The following STYXL2 variants were observed in gnomAD, a reference collection of about 807,000 sequenced individuals.
STYXL2 encodes serine/threonine/tyrosine interacting like 2, also known as serine/threonine/tyrosine-interacting-like protein 2.
STYXL2 carries 44 observed loss-of-function variants against 52.4 expected under a neutral mutation model. The observed-to-expected ratio is 0.84, with a 90% CI of 0.66 to 1.08. STYXL2 has a LOEUF of 1.08. STYXL2 is among the 50% of genes least tolerant of loss of function. The probability of loss-of-function intolerance (pLI) is 0.00; values close to 1 mark genes in which losing one functional copy is unlikely to be tolerated. For synonymous variants in STYXL2, 604 were observed against 586.9 expected (o/e 1.03, Z -0.42); for missense variants, 1,604 against 1,471.7 (o/e 1.09, Z -1.47).
At position 167,105,590 on chromosome 1, in the gene STYXL2, G is replaced by T. The variant is rs190138658; in HGVS notation, c.111-8120G>T. On this transcript the variant is annotated intron_variant, in intron 2 of 5. Transcript: ENST00000361200. The stretch of plus-strand genomic sequence containing the variant: ...GACCTTGCAAATATAAACAGGGCCA[G>T]TTGTTCAGGTCTCTCCCTCCTTCCT... 3.9e-5 allele frequency among the ~76,000 whole-genome samples: 6 copies of T among 152,222 alleles called. No individual in the cohort carries two copies. The East Asian group carries it at 1.2e-3, about 29-fold the overall frequency.
chr1:167,115,984 G>T (rs954861353), intron 3 of STYXL2, among the ~76,000 whole-genome samples: 1 of 152,098 alleles, frequency 6.6e-6, no homozygotes, highest in African/African-American at 2.4e-5. Context: ...CAGATTCCAC[G>T]AGGGGCTGGA....
chr1:167,128,672 G>A lies in STYXL2; in HGVS notation c.*64G>A, dbSNP rs147230149. ...CGTTAGCATAGGGCTCAGGGCACACGTTGCCACCACTCATCGCAGGATGAG... is the reference window on the plus strand; with the variant it reads ...CGTTAGCATAGGGCTCAGGGCACACATTGCCACCACTCATCGCAGGATGAG... On this transcript the variant is annotated 3_prime_UTR_variant, in exon 6 of 6. Coordinates refer to ENST00000361200, the MANE Select transcript of STYXL2 (RefSeq NM_001080426.3). 1.9e-3 allele frequency: 2,813 copies of A among 1,520,458 alleles called. 7 individuals are homozygous for A. The highest frequency in any genetic ancestry group is 2.4e-3 in the Non-Finnish European group (2,698 of 1,143,974). 94.2% of individuals were successfully genotyped at this position (1,520,458 alleles called of 1,614,324 possible). A position where few individuals can be genotyped will look rare whatever the true frequency, so the allele number is the denominator to read the frequency against.
In STYXL2 at chr1:167,126,636, A is replaced by G. The variant is rs1306662294; in HGVS notation, c.1505A>G (p.Glu502Gly). The change falls in exon 6 of 6, where the codon GAG (glutamate) becomes GGG (glycine). Residue 502 changes from glutamate (E) to glycine (G), a missense_variant. Glu to Gly is a moderately conservative substitution (Grantham distance 98). Coordinates refer to ENST00000361200, the MANE Select transcript of STYXL2 (RefSeq NM_001080426.3). Reference protein sequence around the residue: ...SRRYHAKSKREEAADRSSEAG... With the variant: ...SRRYHAKSKRGEAADRSSEAG... ...AGGTACCACGCCAAGAGCAAGAGAG[A>G]GGAGGCGGCAGACAGGAGCTCAGAA... The G allele has an allele frequency of 1.2e-6, 2 of 1,613,882 alleles. No homozygotes were observed. The highest frequency in any genetic ancestry group is 2.7e-5 in the African/African-American group (2 of 74,866).
At chr1:167,117,658 T>C in intron 4 of STYXL2, 99 bp downstream of exon 4, 1 of 1,118,762 alleles carries the variant, frequency 8.9e-7, no homozygotes. Flanking sequence ...CGCCCATAGG[T>C]CCATCCAGCA....
chr1:167,104,173 C>T (rs555890524), intron 2 of STYXL2, among the ~76,000 whole-genome samples: 1 of 152,118 alleles, frequency 6.6e-6, no homozygotes, highest in African/African-American at 2.4e-5. Flanking sequence ...CCCGTCCCCC[C>T]ACCCCCCGTC....
chr1:167,123,217 G>A (rs1301592244), intron 5 of STYXL2, among the ~76,000 whole-genome samples: 2 of 152,204 alleles, frequency 1.3e-5, no homozygotes, highest in Non-Finnish European at 2.9e-5. Context: ...TCCTGTTGCT[G>A]CTTTGGATGA....
At chr1:167,113,599 A>T (rs1667660111) in intron 2 of STYXL2, 111 bp from the exon 3 acceptor site, 4 of 817,668 alleles carry the variant, frequency 4.9e-6, no homozygotes, top group Non-Finnish European at 6.3e-6. Flanking sequence ...TGCCTTGATC[A>T]CTCGTTGTTC....
intron 3 of STYXL2, among the ~76,000 whole-genome samples, chr1:167,114,856 A>C (rs573841332): frequency 6.6e-6 from 1 of 152,074 alleles, no homozygotes; most frequent in East Asian, 1.9e-4. Context: ...CAGTGTCTTC[A>C]CCCTGGTCCA....
chr1:167,116,856 G>T (rs1667735342), intron 3 of STYXL2, among the ~76,000 whole-genome samples: 1 of 152,024 alleles, frequency 6.6e-6, no homozygotes. Flanking sequence ...CACCATGTTG[G>T]TCAGATTGGT....
intron 2 of STYXL2, among the ~76,000 whole-genome samples, chr1:167,103,966 A>G (rs1350404075): frequency 6.6e-6 from 1 of 152,074 alleles, no homozygotes; most frequent in Non-Finnish European, 1.5e-5. Flanking sequence ...CTAAAAATAG[A>G]AAAATTAGCC....
chr1:167,120,320 G>A (rs1209174960), intron 5 of STYXL2, among the ~76,000 whole-genome samples: 1 of 152,230 alleles, frequency 6.6e-6, no homozygotes, highest in African/African-American at 2.4e-5. Flanking sequence ...CTGGGTTTGA[G>A]TCCAGGATTT....
At position 167,126,458 on chromosome 1, in the gene STYXL2, G is replaced by A. The variant is rs142610963; in HGVS notation, c.1327G>A (p.Val443Met). The change falls in exon 6 of 6, where the codon GTG (valine) becomes ATG (methionine). Residue 443 changes from valine to methionine, a missense_variant. Coordinates refer to ENST00000361200, the MANE Select transcript of STYXL2 (RefSeq NM_001080426.3). Reference protein sequence around the residue: ...TLSESSAWESVSSHDIWVLKQ... With the variant: ...TLSESSAWESMSSHDIWVLKQ... ...GAGCGAGAGCAGCGCCTGGGAGAGC[G>A]TGAGCAGCCACGACATCTGGGTCCT... 19 of 1,589,930 alleles carry A rather than the reference G, an allele frequency of 1.2e-5. No individual in the cohort carries two copies. Among genetic ancestry groups the A allele is most frequent in the African/African-American group, 4.0e-5 (3 of 74,506 alleles).
At chr1:167,114,381 C>A (rs1022215818) in intron 3 of STYXL2, among the ~76,000 whole-genome samples, 2 of 152,170 alleles carry the variant, frequency 1.3e-5, no homozygotes, top group Non-Finnish European at 2.9e-5. Flanking sequence ...AGGAAATAAT[C>A]TTTTGCAATT....
chr1:167,104,175 C>A (rs905930156), intron 2 of STYXL2, among the ~76,000 whole-genome samples: 2 of 151,292 alleles, frequency 1.3e-5, no homozygotes, highest in African/African-American at 4.9e-5. Context: ...CGTCCCCCCA[C>A]CCCCCGTCTC....
chr1:167,127,591 C>A lies in STYXL2; in HGVS notation c.2460C>A (p.Ser820Arg). The A allele has an allele frequency of 6.2e-7, 1 of 1,614,164 alleles. No homozygotes were observed. Among genetic ancestry groups the A allele is most frequent in the Non-Finnish European group, 8.5e-7 (1 of 1,180,014 alleles). ...ESCRSKVRGTSKPIFSLFADN... is the reference protein window; with the variant it reads ...ESCRSKVRGTRKPIFSLFADN... Reference sequence around the variant, plus strand: ...GCAGAAGCAAAGTGAGGGGGACCAGCAAGCCCATCTTCAGCCTCTTTGCTG... The same window carrying A: ...GCAGAAGCAAAGTGAGGGGGACCAGAAAGCCCATCTTCAGCCTCTTTGCTG... The change falls in exon 6 of 6, where the codon AGC (serine) becomes AGA (arginine). Residue 820 changes from serine to arginine, a missense_variant. By Grantham distance (110) the Ser-to-Arg change is moderately radical. Transcript: ENST00000361200.
intron 2 of STYXL2, among the ~76,000 whole-genome samples, chr1:167,097,060 G>C (rs949460244): frequency 1.3e-5 from 2 of 152,212 alleles, no homozygotes. Flanking sequence ...CCCAGGATGT[G>C]AGGAGTCCTC....
intron 2 of STYXL2, among the ~76,000 whole-genome samples, chr1:167,095,627 G>C (rs965216794): frequency 6.6e-6 from 1 of 152,152 alleles, no homozygotes; most frequent in African/African-American, 2.4e-5. Flanking sequence ...ACCACGAGAC[G>C]TTAAAGAAAT....
At chr1:167,096,189 C>T (rs1458617581) in intron 2 of STYXL2, among the ~76,000 whole-genome samples, 3 of 151,898 alleles carry the variant, frequency 2.0e-5, no homozygotes, top group South Asian at 4.2e-4. Context: ...ACCCGGGAGG[C>T]GGAGGTTTCA....
Position 167,128,254 on chromosome 1 carries a change from C to G in STYXL2, c.3123C>G (p.Phe1041Leu). The G allele has an allele frequency of 6.2e-7, 1 of 1,614,180 alleles. No homozygotes were observed. Among genetic ancestry groups the G allele is most frequent in the Non-Finnish European group, 8.5e-7 (1 of 1,180,030 alleles). ...SSREESPEPY[F>L]FRRTPESSER... Reference sequence around the variant, plus strand: ...GAGAGGAGAGCCCAGAGCCCTACTTCTTCCGCCGGACCCCAGAGTCCTCAG... The same window carrying G: ...GAGAGGAGAGCCCAGAGCCCTACTTGTTCCGCCGGACCCCAGAGTCCTCAG... Residue 1041 changes from phenylalanine (F) to leucine (L), a missense_variant, in exon 6 of 6, where the codon TTC (phenylalanine) becomes TTG (leucine). Physicochemically the swap from Phe to Leu is conservative, Grantham distance 22 (BLOSUM62 0). Transcript: ENST00000361200.
Sources: allele counts gnomAD v4.1 joint callset (sites outside exome capture counted in the v4.1 genomes callset), GRCh38; gene constraint gnomAD v4.1.1; transcripts MANE v1.5; gene names NCBI Gene and HGNC (gene_info 2026-07-23, HGNC 2026-07-21).